The following ZCCHC8 variants were observed in gnomAD, a reference collection of about 807,000 sequenced individuals.
ZCCHC8 encodes the protein zinc finger CCHC domain-containing protein 8.
A neutral mutation model predicts 70.6 loss-of-function variants in ZCCHC8; 27 were observed. The ratio of observed to expected loss-of-function variants is 0.38; its 90% CI spans 0.28 to 0.53. ZCCHC8 has a LOEUF of 0.53. Among genes scored for constraint, ZCCHC8 ranks in the 20% least tolerant of loss-of-function variants. The pLI is 0.81. For synonymous variants in ZCCHC8, 293 were observed against 317.4 expected (o/e 0.92, Z 0.82); for missense variants, 737 against 876.9 (o/e 0.84, Z 2.01).
At chr12:122,496,631 GAGACCAGAGGAACAT>G (rs1294938977) in intron 2 of ZCCHC8, among the ~76,000 whole-genome samples, 3 of 152,144 alleles carry the variant, frequency 2.0e-5, no homozygotes, top group Admixed American at 6.6e-5. Context: ...CCATGTAGCT[GAGACCAGAGGAACAT>G]GCCACCACAT....
chr12:122,472,577 C>A lies in ZCCHC8; in HGVS notation c.*920G>T, dbSNP rs1189474346. The A allele has an allele frequency of 6.6e-6, 1 of 152,246 alleles. No individual in the cohort carries two copies. Among genetic ancestry groups the A allele is most frequent in the Non-Finnish European group, 1.5e-5 (1 of 68,076 alleles). The allele number at this position is 152,246 out of a possible 1,614,324, so 9.4% of individuals were successfully genotyped here. A position where few individuals can be genotyped will look rare whatever the true frequency, so the allele number is the denominator to read the frequency against. On this transcript the variant is annotated 3_prime_UTR_variant, in exon 14 of 14. Coordinates refer to ENST00000633063, the MANE Select transcript of ZCCHC8 (RefSeq NM_017612.5). ...AGGTGGCTTACGCCTGTAATCCCAG[C>A]ACTTTGGGAGGCTGGGCGGGCAGAT...
chr12:122,493,856 G>A (rs1957785289), intron 2 of ZCCHC8, among the ~76,000 whole-genome samples: 1 of 151,774 alleles, frequency 6.6e-6, no homozygotes, highest in Non-Finnish European at 1.5e-5. Context: ...CTCGTGATCT[G>A]CCCGCCTCGG....
In ZCCHC8 at chr12:122,473,290, C is replaced by T. The variant is rs1192002369; in HGVS notation, c.*207G>A. Reference sequence around the variant, plus strand: ...TCTAAACCAGGTCATATTCACATCTCCCCCCAAGTTTTGTCAGTGAGAATA... The same window carrying T: ...TCTAAACCAGGTCATATTCACATCTTCCCCCAAGTTTTGTCAGTGAGAATA... On this transcript the variant is annotated 3_prime_UTR_variant, in exon 14 of 14. Coordinates refer to ENST00000633063, the MANE Select transcript of ZCCHC8 (RefSeq NM_017612.5). 3 of 583,560 alleles carry T rather than the reference C, an allele frequency of 5.1e-6. No homozygotes were observed. The highest frequency in any genetic ancestry group is 3.1e-5 in the Admixed American group (1 of 32,108). The allele number at this position is 583,560 out of a possible 1,614,324, so 36.1% of individuals were successfully genotyped here. A position where few individuals can be genotyped will look rare whatever the true frequency, so the allele number is the denominator to read the frequency against.
rs761962777 is a variant in ZCCHC8, at chr12:122,489,418, A to G, written c.469T>C (p.Cys157Arg). ...LEEDHKVEES[C>R]AIKNNKEAFS... The stretch of plus-strand genomic sequence containing the variant: ...GCTTCCTTGTTGTTTTTAATGGCAC[A>G]GGACTCTTCCACTTTGTGGTCCTCC... The change falls in exon 5 of 14, where the codon TGT becomes CGT. Residue 157 changes from cysteine to arginine, a missense_variant. Physicochemically the swap from Cys to Arg is radical, Grantham distance 180. Transcript: ENST00000633063. 3 of 1,613,878 alleles carry G rather than the reference A, an allele frequency of 1.9e-6. No homozygotes were observed. The South Asian group carries it at 3.3e-5, about 18-fold the overall frequency.
At chr12:122,490,736 A>C (rs1022792735) in intron 3 of ZCCHC8, among the ~76,000 whole-genome samples, 169 bp from the exon 4 acceptor site, 5 of 152,244 alleles carry the variant, frequency 3.3e-5, no homozygotes, top group Non-Finnish European at 7.3e-5. Context: ...GATAAATTAC[A>C]TATTATTGCC....
intron 3 of ZCCHC8, chr12:122,492,031 G>T: frequency 6.6e-6 from 1 of 152,342 alleles, no homozygotes. Flanking sequence ...CACTTCTGCT[G>T]GGATAGAGTA....
intron 13 of ZCCHC8, among the ~76,000 whole-genome samples, chr12:122,476,002 G>T (rs1394644302): frequency 6.6e-6 from 1 of 152,174 alleles, no homozygotes; most frequent in Non-Finnish European, 1.5e-5. Context: ...CATCCCTCAA[G>T]ATGCAGTTCA....
intron 13 of ZCCHC8, among the ~76,000 whole-genome samples, chr12:122,477,512 C>T (rs1332054321): frequency 2.2e-5 from 3 of 138,178 alleles, no homozygotes; most frequent in Non-Finnish European, 4.7e-5. Context: ...GGGCCGGGCA[C>T]GGTGGCTCAC....
At chr12:122,478,594 G>T (rs1009922148) in intron 11 of ZCCHC8, 5 of 271,444 alleles carry the variant, frequency 1.8e-5, no homozygotes, top group Admixed American at 4.9e-5. Context: ...CCAGGCTCCA[G>T]TCTCTCTCCC....
chr12:122,500,516 G>T lies in ZCCHC8; in HGVS notation c.199+126C>A. The T allele has an allele frequency of 8.3e-7, 1 of 1,206,984 alleles. No individual in the cohort carries two copies. Among genetic ancestry groups the T allele is most frequent in the Non-Finnish European group, 1.1e-6 (1 of 891,906 alleles). 74.8% of individuals were successfully genotyped at this position (1,206,984 alleles called of 1,614,324 possible). A position where few individuals can be genotyped will look rare whatever the true frequency, so the allele number is the denominator to read the frequency against. On this transcript the variant is annotated intron_variant, in intron 1 of 13. Transcript: ENST00000633063. This position sits in a 1 kb window ranked among gnomAD's most constrained non-coding sequence, Gnocchi z 4.8. ...CGCCGGCGGGTGACAGAAAGCACTTGGAATTCTGGCCCTCCTGGAACTTCC... is the reference window on the plus strand; with the variant it reads ...CGCCGGCGGGTGACAGAAAGCACTTTGAATTCTGGCCCTCCTGGAACTTCC...
chr12:122,494,060 A>G (rs1957788422), intron 2 of ZCCHC8, among the ~76,000 whole-genome samples: 1 of 152,244 alleles, frequency 6.6e-6, no homozygotes, highest in South Asian at 2.1e-4. Flanking sequence ...ATAAAAAAGT[A>G]TACTATTCCT....
chr12:122,487,217 T>A (rs1010682541), intron 5 of ZCCHC8, among the ~76,000 whole-genome samples: 5 of 152,246 alleles, frequency 3.3e-5, no homozygotes, highest in African/African-American at 1.2e-4. Context: ...CTACCTTCCC[T>A]GACTACAATG....
intron 2 of ZCCHC8, among the ~76,000 whole-genome samples, chr12:122,496,772 C>A (rs1957832119): frequency 6.6e-6 from 1 of 152,052 alleles, no homozygotes; most frequent in South Asian, 2.1e-4. Flanking sequence ...CAGGTGTGAG[C>A]CATTGTGCCC....
chr12:122,483,112 T>C lies in ZCCHC8; in HGVS notation c.671+167A>G. 1 of 657,568 alleles carries C rather than the reference T, an allele frequency of 1.5e-6. No homozygotes were observed. Among genetic ancestry groups the C allele is most frequent in the Non-Finnish European group, 2.5e-6 (1 of 393,712 alleles). 40.7% of individuals were successfully genotyped at this position (657,568 alleles called of 1,614,324 possible). A position where few individuals can be genotyped will look rare whatever the true frequency, so the allele number is the denominator to read the frequency against. On this transcript the variant is annotated intron_variant, in intron 7 of 13. Transcript: ENST00000633063. The surrounding 1 kb of genome is among the most constrained non-coding windows in gnomAD (Gnocchi z 4.4). The stretch of plus-strand genomic sequence containing the variant: ...GAACCAATGAATTCCAGGAAGCAGA[T>C]GATTCATTTAAACATTTAACATATA...
intron 2 of ZCCHC8, among the ~76,000 whole-genome samples, chr12:122,497,336 G>A (rs1314821406): frequency 6.6e-6 from 1 of 151,928 alleles, no homozygotes; most frequent in Non-Finnish European, 1.5e-5. Context: ...GAGGCCAGGA[G>A]TTCGAGACCA....
chr12:122,488,317 C>T (rs962158495), intron 5 of ZCCHC8, among the ~76,000 whole-genome samples: 2 of 151,976 alleles, frequency 1.3e-5, no homozygotes, highest in Admixed American at 6.6e-5. Context: ...CAGGTGTGAG[C>T]CACTTCGCCC....
At chr12:122,493,566 C>T (rs895273817) in intron 2 of ZCCHC8, among the ~76,000 whole-genome samples, 5 of 152,118 alleles carry the variant, frequency 3.3e-5, no homozygotes, top group Non-Finnish European at 5.9e-5. Context: ...GGATTATAGG[C>T]GAGCGCCACC....
Position 122,473,382 on chromosome 12 carries a change from G to C in ZCCHC8, c.*115C>G. On this transcript the variant is annotated 3_prime_UTR_variant, in exon 14 of 14. Coordinates refer to ENST00000633063, the MANE Select transcript of ZCCHC8 (RefSeq NM_017612.5). Reference sequence around the variant, plus strand: ...GCTTGACTTTGGAACATGAACCTTGGATAGATTTTTAAACATGGGAGGGAC... The same window carrying C: ...GCTTGACTTTGGAACATGAACCTTGCATAGATTTTTAAACATGGGAGGGAC... 8.5e-7 allele frequency: 1 copy of C among 1,182,666 alleles called. No individual in the cohort carries two copies. The highest frequency in any genetic ancestry group is 1.7e-5 in the South Asian group (1 of 60,360). 73.3% of individuals were successfully genotyped at this position (1,182,666 alleles called of 1,614,324 possible).
Position 122,473,505 on chromosome 12 carries a change from A to G in ZCCHC8, c.2116T>C (p.Ser706Pro). 6.2e-7 allele frequency: 1 copy of G among 1,613,236 alleles called. No individual in the cohort carries two copies. The highest frequency in any genetic ancestry group is 8.5e-7 in the Non-Finnish European group (1 of 1,179,518). The change falls in exon 14 of 14, where the codon TCT (serine) becomes CCT (proline). Residue 706 changes from serine to proline, a missense_variant. Coordinates refer to ENST00000633063, the MANE Select transcript of ZCCHC8 (RefSeq NM_017612.5). ...PRNQQKNKKA[S>P]E Reference sequence around the variant, plus strand: ...AGTGCTAAGTCAAGCCATTATTCAGAGGCCTTTTTGTTTTTCTGCTGGTTT... The same window carrying G: ...AGTGCTAAGTCAAGCCATTATTCAGGGGCCTTTTTGTTTTTCTGCTGGTTT...
Sources: gnomAD v4.1 joint callset for allele counts (sites outside exome capture counted in the v4.1 genomes callset) on GRCh38, gnomAD v4.1.1 for gene constraint, Gnocchi (gnomAD v3.1) non-coding constraint, MANE v1.5 for transcripts, NCBI Gene and HGNC (gene_info 2026-07-23, HGNC 2026-07-21) for gene names.